RAB17: variants seen among roughly 807,000 people sequenced by gnomAD.
RAB17 encodes ras-related protein Rab-17.
RAB17 carries 15 observed loss-of-function variants against 19.3 expected under a neutral mutation model. The ratio of observed to expected loss-of-function variants is 0.78; its 90% confidence interval spans 0.52 to 1.20. The LOEUF (loss-of-function observed/expected upper bound fraction) is 1.20, where lower values mean the gene tolerates loss of function less well. Ranked by LOEUF, RAB17 falls within the 50% of genes most tolerant of loss-of-function variation. RAB17 has a pLI of 0.00. For synonymous variants in RAB17, 110 were observed against 112.8 expected (o/e 0.97, Z 0.16); for missense variants, 262 against 269.3 (o/e 0.97, Z 0.19).
intron 4 of RAB17, among the ~76,000 whole-genome samples, chr2:237,576,349 G>A (rs1386910561): frequency 6.6e-6 from 1 of 151,862 alleles, no homozygotes; most frequent in Non-Finnish European, 1.5e-5. Flanking sequence ...GAGTAACCTC[G>A]TGCCCATGTT....
intron 1 of RAB17, among the ~76,000 whole-genome samples, chr2:237,587,821 T>C (rs960482318): frequency 6.9e-6 from 1 of 144,786 alleles, no homozygotes; most frequent in Non-Finnish European, 1.5e-5. Context: ...AAGTTTTCCA[T>C]CTGTGTTTCT....
chr2:237,579,839 C>T (rs1174779463), intron 2 of RAB17, among the ~76,000 whole-genome samples: 1 of 152,062 alleles, frequency 6.6e-6, no homozygotes, highest in East Asian at 1.9e-4. Flanking sequence ...TAAACGGAAA[C>T]CACTGCCTGG....
intron 3 of RAB17, chr2:237,577,618 A>G: frequency 1.9e-6 from 1 of 520,580 alleles, no homozygotes; most frequent in Non-Finnish European, 3.4e-6. Flanking sequence ...CTTCACCCTG[A>G]CCAGGCCCAG....
intron 3 of RAB17, chr2:237,577,589 C>T: frequency 1.7e-6 from 1 of 572,256 alleles, no homozygotes; most frequent in Middle Eastern, 4.8e-4. Context: ...CAGAAAACTG[C>T]TAGGACACAC....
chr2:237,574,914 G>A lies in RAB17; in HGVS notation c.*105C>T, dbSNP rs1045398485. On this transcript the variant is annotated 3_prime_UTR_variant, in exon 6 of 6. Coordinates refer to ENST00000264601, the MANE Select transcript of RAB17 (RefSeq NM_022449.4). ...GGGGGCCAACTTCCAGGAACATCTA[G>A]GGCTCGGGAGCAACCCAGCATTGAC... The A allele has an allele frequency of 3.1e-6, 3 of 955,736 alleles. No individual in the cohort carries two copies. Among genetic ancestry groups the A allele is most frequent in the African/African-American group, 1.7e-5 (1 of 58,546 alleles). The allele number at this position is 955,736 out of a possible 1,614,324, so 59.2% of individuals were successfully genotyped here.
intron 2 of RAB17, among the ~76,000 whole-genome samples, chr2:237,583,696 G>C (rs937953644): frequency 3.9e-5 from 6 of 152,184 alleles, no homozygotes; most frequent in African/African-American, 1.2e-4. Flanking sequence ...CCCCATCACA[G>C]AGACCCAGAG....
At chr2:237,589,290 C>G (rs564182919) in intron 1 of RAB17, among the ~76,000 whole-genome samples, 1 of 152,138 alleles carries the variant, frequency 6.6e-6, no homozygotes, top group Non-Finnish European at 1.5e-5. Flanking sequence ...CATAACTCCA[C>G]CCCCGTAATA....
chr2:237,583,798 A>G (rs1044304600), intron 2 of RAB17, among the ~76,000 whole-genome samples: 1 of 152,146 alleles, frequency 6.6e-6, no homozygotes, highest in Non-Finnish European at 1.5e-5. Flanking sequence ...AGATAAACCC[A>G]GGCCTGGAAG....
intron 2 of RAB17, 136 bp downstream of exon 2, chr2:237,585,862 G>A (rs544624080): frequency 6.1e-5 from 52 of 858,474 alleles, no homozygotes; most frequent in South Asian, 2.3e-4. Context: ...CTCCCCTCAC[G>A]CACTGGACAC....
In RAB17 at chr2:237,586,084, A is replaced by T; in HGVS notation, c.71T>A (p.Leu24His). 6.2e-7 allele frequency: 1 copy of T among 1,613,740 alleles called. No homozygotes were observed. Among genetic ancestry groups the T allele is most frequent in the East Asian group, 2.2e-5 (1 of 44,864 alleles). The change falls in exon 2 of 6, where the codon CTC (leucine) becomes CAC (histidine). Residue 24 changes from leucine (L) to histidine (H), a missense_variant. By Grantham distance (99) the Leu-to-His change is moderately conservative (BLOSUM62 -3). Transcript: ENST00000264601. ...CTTACCCACGGAGCCACTTCCCAGG[A>T]GAACCAGCTTGAACACACGGGGCTG... ...PSQPRVFKLV[L>H]LGSGSVGKSS...
chr2:237,586,066 A>G lies in RAB17; in HGVS notation c.89T>C (p.Val30Ala), dbSNP rs747453697. The G allele has an allele frequency of 6.2e-7, 1 of 1,613,612 alleles. No individual in the cohort carries two copies. Among genetic ancestry groups the G allele is most frequent in the South Asian group, 1.1e-5 (1 of 90,972 alleles). Residue 30 changes from valine to alanine, a missense_variant, in exon 2 of 6, where the codon GTG becomes GCG. By Grantham distance (64) the Val-to-Ala change is moderately conservative. Transcript: ENST00000264601. ...CCGAAGAGCCAAGCTGGACTTACCC[A>G]CGGAGCCACTTCCCAGGAGAACCAG... is the stretch of plus-strand genomic sequence containing the variant. ...FKLVLLGSGS[V>A]GKSSLALRYV... is the part of the protein sequence containing the mutation.
rs761962024 is a variant in RAB17, at chr2:237,575,455, T to C, written c.461A>G (p.Gln154Arg). 7 of 1,611,926 alleles carry C rather than the reference T, an allele frequency of 4.3e-6. No individual in the cohort carries two copies. The Admixed American group carries it at 5.0e-5, about 12-fold the overall frequency. The stretch of plus-strand genomic sequence containing the variant: ...CGAAGTTTCCATGAACAGCAACTTC[T>C]GGCTGTCGGCAAACTCCTTCCCTTC... ...FQEGKEFADSQKLLFMETSAK... is the reference protein window; with the variant it reads ...FQEGKEFADSRKLLFMETSAK... The change falls in exon 5 of 6, where the codon CAG (glutamine) becomes CGG (arginine). Residue 154 changes from glutamine to arginine, a missense_variant. Transcript: ENST00000264601.
intron 4 of RAB17, 102 bp downstream of exon 4, chr2:237,577,155 G>T: frequency 2.9e-6 from 4 of 1,399,106 alleles, no homozygotes; most frequent in Non-Finnish European, 3.9e-6. Context: ...GTGTGCGTGT[G>T]TGGGTGTGCG....
intron 2 of RAB17, among the ~76,000 whole-genome samples, chr2:237,581,939 A>C (rs1162423908): frequency 1.3e-5 from 2 of 152,256 alleles, no homozygotes; most frequent in African/African-American, 4.8e-5. Flanking sequence ...CAGCGCACAG[A>C]ATCTCCCCTG....
Position 237,575,145 on chromosome 2 carries a change from G to T in RAB17, c.530-17C>A. 3 of 1,603,314 alleles carry T rather than the reference G, an allele frequency of 1.9e-6. No individual in the cohort carries two copies. In the East Asian group the frequency reaches 6.7e-5, roughly 36 times the overall value. Reference sequence around the variant, plus strand: ...GCTCTTGGGCTGTGAACAGCAAGAGGAGGGGGCTGGCTAGGGAGGGAAGTC... The same window carrying T: ...GCTCTTGGGCTGTGAACAGCAAGAGTAGGGGGCTGGCTAGGGAGGGAAGTC... On this transcript the variant is annotated splice_polypyrimidine_tract_variant and intron_variant, in intron 5 of 5. Transcript: ENST00000264601.
At chr2:237,575,561 T>G in intron 4 of RAB17, 81 bp from the exon 5 acceptor site, 1 of 1,091,834 alleles carries the variant, frequency 9.2e-7, no homozygotes, top group South Asian at 1.4e-5. Flanking sequence ...AACAGTAAGA[T>G]CCGAGAAAGC....
chr2:237,581,474 C>A (rs948634718), intron 2 of RAB17, among the ~76,000 whole-genome samples: 4 of 151,946 alleles, frequency 2.6e-5, no homozygotes, highest in African/African-American at 9.7e-5. Context: ...AGGCTGGTAT[C>A]CAACTCCTGA....
chr2:237,575,657 C>A, intron 4 of RAB17, 177 bp from the exon 5 acceptor site: 1 of 583,472 alleles, frequency 1.7e-6, no homozygotes, highest in Non-Finnish European at 3.1e-6. Flanking sequence ...CAGGGAGGGG[C>A]GGGGTGTGCT....
At chr2:237,588,291 A>G (rs888965032) in intron 1 of RAB17, among the ~76,000 whole-genome samples, 1 of 152,220 alleles carries the variant, frequency 6.6e-6, no homozygotes, top group Admixed American at 6.5e-5. Context: ...CTGTGGGATG[A>G]CACAGCAAGA....
Sources: allele counts gnomAD v4.1 joint callset (sites outside exome capture counted in the v4.1 genomes callset), GRCh38; gene constraint gnomAD v4.1.1; transcripts MANE v1.5; gene names NCBI Gene and HGNC (gene_info 2026-07-23, HGNC 2026-07-21).